KIF1B: variants seen among roughly 807,000 people sequenced by gnomAD.
The protein encoded by KIF1B is kinesin family member 1B, also known as kinesin-like protein KIF1B.
KIF1B carries 76 observed loss-of-function variants against 241.9 expected under a neutral mutation model. The ratio of observed to expected loss-of-function variants is 0.31; its 90% CI spans 0.26 to 0.38. The LOEUF is 0.38. Ranked by LOEUF, KIF1B falls within the 10% of genes least tolerant of loss-of-function variation. The pLI is 1.00. For missense variants in KIF1B, 1,622 were observed against 2,271.4 expected (o/e 0.71, Z 5.81); for synonymous variants, 750 against 796.7 (o/e 0.94, Z 0.99).
chr1:10,336,958 C>T lies in KIF1B; in HGVS notation c.3130-116C>T, dbSNP rs540420150. The T allele has an allele frequency of 7.2e-6, 10 of 1,385,624 alleles. No individual in the cohort carries two copies. In the Admixed American group the frequency reaches 8.4e-5, roughly 12 times the overall value. 85.8% of individuals were successfully genotyped at this position (1,385,624 alleles called of 1,614,324 possible). A position where few individuals can be genotyped will look rare whatever the true frequency, so the allele number is the denominator to read the frequency against. On this transcript the variant is annotated intron_variant, in intron 29 of 48. Coordinates refer to ENST00000676179, the MANE Select transcript of KIF1B (RefSeq NM_001365951.3). ...TGCCTTTCCTCAGACAGCCCTCAGT[C>T]CATATAATTTTCCAGTCACTATTAT...
intron 2 of KIF1B, among the ~76,000 whole-genome samples, chr1:10,235,588 C>T (rs1647039485): frequency 6.6e-6 from 1 of 152,196 alleles, no homozygotes; most frequent in African/African-American, 2.4e-5. Context: ...AGGCCAGGTG[C>T]AGTGGCTCAT....
chr1:10,362,235 G>A (rs1017488066), intron 40 of KIF1B, among the ~76,000 whole-genome samples: 4 of 152,046 alleles, frequency 2.6e-5, no homozygotes, highest in African/African-American at 9.7e-5. Context: ...ATCCCAGCAC[G>A]TTGGGAGGCT....
At chr1:10,231,819 A>G (rs1029897738) in intron 1 of KIF1B, among the ~76,000 whole-genome samples, 1 of 152,136 alleles carries the variant, frequency 6.6e-6, no homozygotes, top group Non-Finnish European at 1.5e-5. Context: ...ACACACACAG[A>G]GAGAGAGATA....
intron 7 of KIF1B, among the ~76,000 whole-genome samples, chr1:10,268,774 AGT>A: frequency 6.6e-6 from 1 of 152,104 alleles, no homozygotes; most frequent in African/African-American, 2.4e-5. Context: ...CATTTTCTAT[AGT>A]GGTTAAATGT....
intron 40 of KIF1B, among the ~76,000 whole-genome samples, chr1:10,362,041 G>A (rs747931173): frequency 6.6e-6 from 1 of 152,142 alleles, no homozygotes; most frequent in Non-Finnish European, 1.5e-5. Context: ...ATTACATTGT[G>A]AACACGTCTA....
At chr1:10,329,821 A>G (rs1447860045) in intron 27 of KIF1B, among the ~76,000 whole-genome samples, 1 of 152,200 alleles carries the variant, frequency 6.6e-6, no homozygotes, top group East Asian at 1.9e-4. Flanking sequence ...TTTATATTGC[A>G]AGTGAAAAAG....
At chr1:10,259,478 C>A (rs1262375600) in intron 4 of KIF1B, among the ~76,000 whole-genome samples, 4 of 146,742 alleles carry the variant, frequency 2.7e-5, no homozygotes. Context: ...CCACACCTAG[C>A]TCATTTTTAA....
At chr1:10,263,279 AAT>A (rs879607697) in intron 5 of KIF1B, among the ~76,000 whole-genome samples, 2,868 of 145,946 alleles carry the variant, frequency 0.02, 50 homozygotes, top group Non-Finnish European at 0.028. Context: ...TCAAAAAAAA[AAT>A]AATAATAATA....
intron 22 of KIF1B, chr1:10,305,282 A>C (rs1650772443): frequency 9.6e-7 from 1 of 1,043,988 alleles, no homozygotes; most frequent in South Asian, 4.6e-5. Context: ...CAAAAAACTC[A>C]TATAATGGTT....
intron 2 of KIF1B, among the ~76,000 whole-genome samples, chr1:10,242,833 G>A (rs1647156720): frequency 6.6e-6 from 1 of 152,056 alleles, no homozygotes; most frequent in African/African-American, 2.4e-5. Context: ...TAATCTTATG[G>A]GACCACTCAT....
rs557780796 is a variant in KIF1B, at chr1:10,238,736, C to A, written c.106+6302C>A. Among the ~76,000 whole-genome samples the A allele has an allele frequency of 3.8e-4, 56 of 145,692 alleles. No individual in the cohort carries two copies. In the South Asian group the frequency reaches 5.2e-3, roughly 13 times the overall value. On this transcript the variant is annotated intron_variant, in intron 2 of 48. Transcript: ENST00000676179. ...ACAACAACAACAACAACAACAACAA[C>A]AAAAAACACCAAAAGAAAGTAATGC... is the stretch of plus-strand genomic sequence containing the variant.
chr1:10,347,719 G>C (rs1652635723), intron 35 of KIF1B, 42 bp from the exon 36 acceptor site: 2 of 1,530,766 alleles, frequency 1.3e-6, no homozygotes, highest in Admixed American at 3.3e-5. Context: ...CCTTGCAGAT[G>C]AAGTAGCACT....
chr1:10,341,951 C>CAA (rs33942183), intron 32 of KIF1B, 99 bp from the exon 33 acceptor site: 2,779 of 690,330 alleles, frequency 4.0e-3, no homozygotes, highest in East Asian at 5.2e-3. Context: ...GACCTTGCCT[C>CAA]AAAAAAAAAA....
intron 2 of KIF1B, among the ~76,000 whole-genome samples, chr1:10,245,557 A>C (rs1647198550): frequency 1.3e-5 from 2 of 152,242 alleles, no homozygotes; most frequent in African/African-American, 4.8e-5. Context: ...AGTTGTATGG[A>C]GAGGATAAAG....
chr1:10,330,690 T>C (rs541185235), intron 27 of KIF1B, among the ~76,000 whole-genome samples: 1 of 152,298 alleles, frequency 6.6e-6, no homozygotes, highest in Admixed American at 6.5e-5. Flanking sequence ...AAGAGGCAAA[T>C]CATTTTCCTG....
At chr1:10,237,684 A>T (rs1237919947) in intron 2 of KIF1B, among the ~76,000 whole-genome samples, 1 of 152,062 alleles carries the variant, frequency 6.6e-6, no homozygotes, top group Non-Finnish European at 1.5e-5. Flanking sequence ...AGCGTAACTG[A>T]TACAAATAAT....
In KIF1B at chr1:10,356,096, A is replaced by G. The variant is rs190573160; in HGVS notation, c.4055+3360A>G. ...AATACAACATAAACGGGCTGGGCTC[A>G]GTGGCTCACACCTGTAATCCCAGCA... On this transcript the variant is annotated intron_variant, in intron 38 of 48. Transcript: ENST00000676179. Among the ~76,000 whole-genome samples the G allele has an allele frequency of 2.2e-3, 336 of 152,312 alleles. 1 individual carries two copies. The highest frequency in any genetic ancestry group is 7.7e-3 in the African/African-American group (322 of 41,576).
In KIF1B at chr1:10,296,545, T is replaced by A. The variant is rs1557695636; in HGVS notation, c.1778-37T>A. On this transcript the variant is annotated intron_variant, in intron 19 of 48. Transcript: ENST00000676179. ...TTTCCATTATTTGATTCCAATAGTT[T>A]GTAATGATAACATTAGTTTGTGTTT... 2.0e-6 allele frequency: 3 copies of A among 1,517,614 alleles called. No individual in the cohort carries two copies. The African/African-American group carries it at 4.1e-5, about 21-fold the overall frequency. 94.0% of individuals were successfully genotyped at this position (1,517,614 alleles called of 1,614,324 possible). A position where few individuals can be genotyped will look rare whatever the true frequency, so the allele number is the denominator to read the frequency against.
chr1:10,290,482 TC>T (rs1649939156), intron 15 of KIF1B, among the ~76,000 whole-genome samples: 1 of 151,974 alleles, frequency 6.6e-6, no homozygotes, highest in African/African-American at 2.4e-5. Context: ...GGAACTTTAT[TC>T]TTTTTTTTCT....
Sources: allele counts gnomAD v4.1 joint callset (sites outside exome capture counted in the v4.1 genomes callset), GRCh38; gene constraint gnomAD v4.1.1; transcripts MANE v1.5; gene names NCBI Gene and HGNC (gene_info 2026-07-23, HGNC 2026-07-21).